VPS41: variants seen among roughly 807,000 people sequenced by gnomAD.
VPS41 encodes the protein vacuolar protein sorting-associated protein 41 homolog.
In VPS41, 85 loss-of-function variants were observed where a neutral mutation model predicts 130.9. The observed-to-expected ratio is 0.65, with a 90% CI of 0.55 to 0.78. The LOEUF (loss-of-function observed/expected upper bound fraction) is 0.78, where lower values mean the gene tolerates loss of function less well. Ranked by LOEUF, VPS41 falls within the 30% of genes least tolerant of loss-of-function variation. VPS41 has a pLI of 0.00. For missense variants in VPS41, 874 were observed against 1,018.7 expected, an observed-to-expected ratio of 0.86 and a Z score of 1.93; for synonymous variants, 335 against 332.9, an observed-to-expected ratio of 1.01 and a Z score of -0.07.
At chr7:38,782,767 G>T (rs1326124045) in intron 10 of VPS41, among the ~76,000 whole-genome samples, 1 of 152,164 alleles carries the variant, frequency 6.6e-6, no homozygotes, top group Non-Finnish European at 1.5e-5. Context: ...TAACAAGAAA[G>T]AACTTTCTCA....
At chr7:38,836,970 G>A (rs1785508762) in intron 4 of VPS41, among the ~76,000 whole-genome samples, 2 of 152,076 alleles carry the variant, frequency 1.3e-5, no homozygotes, top group African/African-American at 2.4e-5. Flanking sequence ...TTTCACAAAG[G>A]TCTTTTCACA....
chr7:38,835,892 T>C (rs1035756691), intron 4 of VPS41, among the ~76,000 whole-genome samples: 1 of 151,936 alleles, frequency 6.6e-6, no homozygotes, highest in African/African-American at 2.4e-5. Flanking sequence ...CCTTTTAACT[T>C]GTAAATGTAA....
intron 7 of VPS41, among the ~76,000 whole-genome samples, chr7:38,800,760 T>G (rs925199228): frequency 6.6e-6 from 1 of 152,042 alleles, no homozygotes; most frequent in African/African-American, 2.4e-5. Flanking sequence ...CGCTTGAACC[T>G]AGGAGGAGGA....
At chr7:38,739,117 G>A (rs115497107) in intron 25 of VPS41, among the ~76,000 whole-genome samples, 2,047 of 152,284 alleles carry the variant, frequency 0.013, 62 homozygotes, top group African/African-American at 0.046. Flanking sequence ...TCCCTTTAGA[G>A]ATTCCCAATG....
chr7:38,909,187 G>C lies in VPS41; in HGVS notation c.-13C>G. On this transcript the variant is annotated 5_prime_UTR_variant, in exon 1 of 29. Transcript: ENST00000310301. ...CTGCTTCCGCCATGGCGCCACGGGA[G>C]AGTCACCTGACAGACCCGGAAATAA... The C allele has an allele frequency of 6.2e-7, 1 of 1,614,226 alleles. No individual in the cohort carries two copies. The highest frequency in any genetic ancestry group is 8.5e-7 in the Non-Finnish European group (1 of 1,180,030).
chr7:38,876,219 G>A (rs1786488479), intron 2 of VPS41, among the ~76,000 whole-genome samples: 1 of 152,080 alleles, frequency 6.6e-6, no homozygotes. Context: ...GTAGCCCCAA[G>A]GTTGAAAAAT....
At chr7:38,785,612 G>T (rs6976100) in intron 10 of VPS41, among the ~76,000 whole-genome samples, 17,634 of 152,156 alleles carry the variant, frequency 0.12, 1,647 homozygotes, top group African/African-American at 0.26. Context: ...TTAGACAAAA[G>T]AAAAGGAAAG....
intron 7 of VPS41, among the ~76,000 whole-genome samples, chr7:38,814,656 A>C (rs973501137): frequency 3.9e-5 from 6 of 152,224 alleles, no homozygotes; most frequent in African/African-American, 1.2e-4. Flanking sequence ...TCTCAAAAAA[A>C]ACAAAAACAA....
intron 2 of VPS41, among the ~76,000 whole-genome samples, chr7:38,882,184 T>C (rs780798907): frequency 1.3e-5 from 2 of 152,178 alleles, no homozygotes; most frequent in South Asian, 2.1e-4. Context: ...GGCCTCACTT[T>C]TGCAGATCCA....
At chr7:38,765,525 C>A in intron 16 of VPS41, 55 bp downstream of exon 16, 1 of 1,165,402 alleles carries the variant, frequency 8.6e-7, no homozygotes, top group Non-Finnish European at 1.2e-6. Flanking sequence ...GTTTCCACTG[C>A]AATATTAATA....
At chr7:38,889,412 C>T (rs758997703) in intron 2 of VPS41, among the ~76,000 whole-genome samples, 8 of 150,978 alleles carry the variant, frequency 5.3e-5, no homozygotes, top group Non-Finnish European at 1.0e-4. Flanking sequence ...CATTTCTTAC[C>T]GGAAACACCA....
intron 10 of VPS41, among the ~76,000 whole-genome samples, chr7:38,789,558 G>A (rs1784497121): frequency 1.3e-5 from 2 of 152,110 alleles, no homozygotes; most frequent in Admixed American, 1.3e-4. Context: ...GATCCACTGA[G>A]GAGTTCCATC....
chr7:38,886,752 G>T (rs1786740778), intron 2 of VPS41, among the ~76,000 whole-genome samples: 1 of 152,154 alleles, frequency 6.6e-6, no homozygotes. Context: ...GCCTGACTGG[G>T]AGACACCTTC....
intron 2 of VPS41, among the ~76,000 whole-genome samples, chr7:38,877,576 T>C (rs1786517926): frequency 6.6e-6 from 1 of 152,164 alleles, no homozygotes; most frequent in Admixed American, 6.5e-5. Flanking sequence ...ATTATTTTGT[T>C]TGAGAGGAGA....
chr7:38,898,043 A>G, intron 2 of VPS41, 48 bp downstream of exon 2: 2 of 1,581,996 alleles, frequency 1.3e-6, no homozygotes, highest in Non-Finnish European at 1.7e-6. Context: ...ACTCAAGAGA[A>G]CAACGTGGTG....
At chr7:38,891,867 T>C (rs1403785830) in intron 2 of VPS41, among the ~76,000 whole-genome samples, 1 of 152,172 alleles carries the variant, frequency 6.6e-6, no homozygotes, top group Non-Finnish European at 1.5e-5. Flanking sequence ...AGCAAATGAA[T>C]GCTCTTATAG....
chr7:38,846,999 TAA>T (rs1300641264), intron 4 of VPS41, among the ~76,000 whole-genome samples: 2 of 151,938 alleles, frequency 1.3e-5, no homozygotes, highest in African/African-American at 4.8e-5. Flanking sequence ...ATATTTAGAT[TAA>T]AAAAGAGTAG....
chr7:38,843,072 T>A (rs1039245619), intron 4 of VPS41, among the ~76,000 whole-genome samples: 3 of 152,112 alleles, frequency 2.0e-5, no homozygotes, highest in Non-Finnish European at 4.4e-5. Context: ...AAAAGACAAC[T>A]AAAGAGCAGA....
At chr7:38,770,107 T>C (rs1257253728) in intron 14 of VPS41, among the ~76,000 whole-genome samples, 1 of 151,966 alleles carries the variant, frequency 6.6e-6, no homozygotes, top group Non-Finnish European at 1.5e-5. Flanking sequence ...CCGTCTCTAC[T>C]AAAAATACAA....
Sources: allele counts gnomAD v4.1 joint callset (sites outside exome capture counted in the v4.1 genomes callset), GRCh38; gene constraint gnomAD v4.1.1; transcripts MANE v1.5; gene names NCBI Gene and HGNC (gene_info 2026-07-23, HGNC 2026-07-21).